Variants in COL25A1 observed in about 807,000 individuals in gnomAD.
COL25A1 encodes collagen type XXV alpha 1 chain, also known as collagen alpha-1(XXV) chain.
In COL25A1, 103 loss-of-function variants were observed where a neutral mutation model predicts 128.4. The ratio of observed to expected loss-of-function variants is 0.80; its 90% CI spans 0.68 to 0.94. The LOEUF is 0.94. Ranked by LOEUF, COL25A1 falls within the 40% of genes least tolerant of loss-of-function variation. The probability of loss-of-function intolerance (pLI) is 0.00; values close to 1 mark genes in which losing one functional copy is unlikely to be tolerated. For missense variants in COL25A1, 745 were observed against 840.0 expected (o/e 0.89, Z 1.40); for synonymous variants, 279 against 277.2 (o/e 1.01, Z -0.06).
chr4:109,008,169 G>A (rs904751826), intron 6 of COL25A1, among the ~76,000 whole-genome samples: 2 of 152,146 alleles, frequency 1.3e-5, no homozygotes, highest in Non-Finnish European at 2.9e-5. Context: ...ATGTCCCTCT[G>A]GCTTCCTAAA....
rs564343072 is a variant in COL25A1 at position 109,011,979 on chromosome 4, C to T, written c.421-1604G>A. On this transcript the variant is annotated intron_variant, in intron 5 of 37. Coordinates refer to ENST00000399132, the MANE Select transcript of COL25A1 (RefSeq NM_198721.4). ...TAATAGCTCTAAAATCAGCACTAAA[C>T]GTAGAGAAGATTTCTATGGAGACAC... 2.6e-5 allele frequency among the ~76,000 whole-genome samples: 4 copies of T among 152,278 alleles called. No individual in the cohort carries two copies. The South Asian group carries it at 6.2e-4, about 24-fold the overall frequency.
At chr4:109,214,517 C>G (rs1423912773) in intron 3 of COL25A1, among the ~76,000 whole-genome samples, 5 of 152,186 alleles carry the variant, frequency 3.3e-5, no homozygotes, top group African/African-American at 7.2e-5. Flanking sequence ...TTGTTAGAAA[C>G]ACTAATAGTC....
intron 36 of COL25A1, 76 bp from the exon 37 acceptor site, chr4:108,817,511 G>C: frequency 7.2e-7 from 1 of 1,386,884 alleles, no homozygotes; most frequent in Non-Finnish European, 1.0e-6. Flanking sequence ...ATGCTCAGAG[G>C]CTTAAAAATA....
At chr4:108,860,543 C>T (rs187161898) in intron 23 of COL25A1, among the ~76,000 whole-genome samples, 8 of 152,088 alleles carry the variant, frequency 5.3e-5, no homozygotes, top group African/African-American at 1.9e-4. Context: ...AGATCTGCTA[C>T]TTAATTTCCA....
At chr4:109,230,136 T>G (rs1659940674) in intron 3 of COL25A1, among the ~76,000 whole-genome samples, 1 of 152,150 alleles carries the variant, frequency 6.6e-6, no homozygotes, top group South Asian at 2.1e-4. Context: ...GGGCCCCACC[T>G]CCAGCATTAG....
At chr4:109,073,175 T>C (rs1763118763) in intron 3 of COL25A1, among the ~76,000 whole-genome samples, 1 of 152,070 alleles carries the variant, frequency 6.6e-6, no homozygotes, top group African/African-American at 2.4e-5. Flanking sequence ...CATGGGTGTT[T>C]GGTGGTTGTC....
At chr4:108,826,357 G>A (rs772438250) in intron 33 of COL25A1, among the ~76,000 whole-genome samples, 4 of 152,200 alleles carry the variant, frequency 2.6e-5, no homozygotes, top group Middle Eastern at 3.4e-3. Context: ...GGCCAACATA[G>A]TGAAACCCCA....
intron 12 of COL25A1, among the ~76,000 whole-genome samples, chr4:108,920,224 G>T (rs538680227): frequency 6.6e-6 from 1 of 152,218 alleles, no homozygotes; most frequent in African/African-American, 2.4e-5. Flanking sequence ...TTCTCTGGCC[G>T]TTTGGCAATC....
At chr4:109,266,093 G>C (rs2126260034) in intron 3 of COL25A1, among the ~76,000 whole-genome samples, 1 of 152,260 alleles carries the variant, frequency 6.6e-6, no homozygotes, top group South Asian at 2.1e-4. Flanking sequence ...GCTTGAACTT[G>C]AATAAGACAT....
chr4:109,030,230 C>G (rs1758705334), intron 5 of COL25A1, among the ~76,000 whole-genome samples: 1 of 152,182 alleles, frequency 6.6e-6, no homozygotes, highest in South Asian at 2.1e-4. Flanking sequence ...GAAATAGCAA[C>G]AGAAGGAAGC....
intron 5 of COL25A1, among the ~76,000 whole-genome samples, chr4:109,047,689 G>A (rs1371008987): frequency 6.8e-6 from 1 of 146,892 alleles, no homozygotes; most frequent in Non-Finnish European, 1.5e-5. Flanking sequence ...TCACAAAATT[G>A]TGTATCTAAA....
chr4:109,078,125 T>C (rs986410641), intron 3 of COL25A1, among the ~76,000 whole-genome samples: 1 of 152,210 alleles, frequency 6.6e-6, no homozygotes, highest in African/African-American at 2.4e-5. Flanking sequence ...GGTTTCTCTA[T>C]TAAACTCTAA....
At chr4:108,982,124 G>A (rs1753037490) in intron 6 of COL25A1, among the ~76,000 whole-genome samples, 1 of 152,182 alleles carries the variant, frequency 6.6e-6, no homozygotes, top group Non-Finnish European at 1.5e-5. Context: ...AACCGAAGAG[G>A]CGGAGCTTGC....
At chr4:109,187,162 CAG>C (rs57035113) in intron 3 of COL25A1, among the ~76,000 whole-genome samples, 75,141 of 151,298 alleles carry the variant, frequency 0.5, 21,375 homozygotes, top group Non-Finnish European at 0.65. Context: ...AATAGTGACA[CAG>C]AGTCGTGTTT....
chr4:108,868,544 GAAAA>G (rs891961645), intron 20 of COL25A1, among the ~76,000 whole-genome samples: 24 of 93,582 alleles, frequency 2.6e-4, no homozygotes, highest in South Asian at 4.4e-4. Flanking sequence ...AGAAAGAAAA[GAAAA>G]AAGAAAGAAA....
intron 3 of COL25A1, among the ~76,000 whole-genome samples, chr4:109,060,937 T>C (rs1281341703): frequency 6.6e-6 from 1 of 152,212 alleles, no homozygotes; most frequent in Non-Finnish European, 1.5e-5. Flanking sequence ...TTTTCAACTC[T>C]AAATGCTTAC....
At chr4:109,187,199 CTA>C in intron 3 of COL25A1, among the ~76,000 whole-genome samples, 1 of 98,072 alleles carries the variant, frequency 1.0e-5, no homozygotes, top group East Asian at 3.0e-4. Flanking sequence ...CTCTTGCTCT[CTA>C]CACACACACA....
At chr4:109,253,858 C>T (rs982492187) in intron 3 of COL25A1, among the ~76,000 whole-genome samples, 16 of 152,060 alleles carry the variant, frequency 1.1e-4, no homozygotes, top group South Asian at 4.1e-4. Context: ...GAGGCCAAGG[C>T]GGGCGGATCA....
chr4:108,974,665 C>CT, intron 6 of COL25A1, 106 bp from the exon 7 acceptor site: 1 of 916,860 alleles, frequency 1.1e-6, no homozygotes, highest in Non-Finnish European at 1.6e-6. Flanking sequence ...ACAGAGATAG[C>CT]TGTCAATGAG....
Sources: gnomAD v4.1 joint callset for allele counts (sites outside exome capture counted in the v4.1 genomes callset) on GRCh38, gnomAD v4.1.1 for gene constraint, MANE v1.5 for transcripts, NCBI Gene and HGNC (gene_info 2026-07-23, HGNC 2026-07-21) for gene names.